The following NRXN3 variants were observed in gnomAD, a reference collection of about 807,000 sequenced individuals.
The protein encoded by NRXN3 is neurexin III.
A neutral mutation model predicts 137.6 loss-of-function variants in NRXN3; 32 were observed. The observed-to-expected ratio is 0.23, with a 90% CI of 0.18 to 0.31. The LOEUF (loss-of-function observed/expected upper bound fraction) is 0.31. NRXN3 is among the 10% of genes least tolerant of loss of function. NRXN3 has a pLI of 1.00. For missense variants in NRXN3, 1,574 were observed against 2,062.5 expected (o/e 0.76, Z 4.59); for synonymous variants, 798 against 784.5 (o/e 1.02, Z -0.29).
chr14:79,554,556 G>A (rs2097409310), intron 16 of NRXN3, among the ~76,000 whole-genome samples: 1 of 152,178 alleles, frequency 6.6e-6, no homozygotes, highest in Admixed American at 6.5e-5. Context: ...GAAATAGCCA[G>A]TAGCCAATGC....
At chr14:79,387,335 A>G (rs1379276858) in intron 15 of NRXN3, among the ~76,000 whole-genome samples, 1 of 152,234 alleles carries the variant, frequency 6.6e-6, no homozygotes, top group African/African-American at 2.4e-5. Context: ...TTATGCAGCC[A>G]AAAGAAACAT....
chr14:78,907,043 G>A (rs1216997938), intron 10 of NRXN3, among the ~76,000 whole-genome samples: 4 of 151,946 alleles, frequency 2.6e-5, no homozygotes, highest in Non-Finnish European at 5.9e-5. Context: ...ACAGTGCTGG[G>A]CAGACAAAGA....
At chr14:78,769,696 G>T (rs2098720527) in intron 8 of NRXN3, among the ~76,000 whole-genome samples, 1 of 152,230 alleles carries the variant, frequency 6.6e-6, no homozygotes, top group Non-Finnish European at 1.5e-5. Flanking sequence ...ACCTAACCAT[G>T]CTGTAAGGCA....
chr14:78,505,157 A>G (rs2095962503), intron 4 of NRXN3, among the ~76,000 whole-genome samples: 1 of 152,068 alleles, frequency 6.6e-6, no homozygotes, highest in Admixed American at 6.6e-5. Flanking sequence ...GGCCTTACCA[A>G]GTGTGCAGGC....
intron 2 of NRXN3, among the ~76,000 whole-genome samples, chr14:78,277,314 A>G (rs1357371746): frequency 1.3e-5 from 2 of 152,190 alleles, no homozygotes; most frequent in African/African-American, 4.8e-5. Flanking sequence ...TGACCCACTC[A>G]TAGGGCAGGT....
At chr14:79,525,469 C>T (rs1476060133) in intron 16 of NRXN3, among the ~76,000 whole-genome samples, 1 of 152,134 alleles carries the variant, frequency 6.6e-6, no homozygotes, top group African/African-American at 2.4e-5. Context: ...TTCTGGAAAT[C>T]GAACACTCTA....
intron 16 of NRXN3, among the ~76,000 whole-genome samples, chr14:79,641,770 C>G (rs1367850452): frequency 1.5e-5 from 2 of 135,592 alleles, no homozygotes; most frequent in East Asian, 3.9e-4. Flanking sequence ...CAGACAGAAA[C>G]AGTTTTGGTG....
At chr14:79,828,655 T>C in intron 20 of NRXN3, among the ~76,000 whole-genome samples, 1 of 146,030 alleles carries the variant, frequency 6.8e-6, no homozygotes, top group African/African-American at 2.5e-5. Context: ...AATTGTCTTT[T>C]TTTTTTTTTT....
At chr14:79,250,641 A>C (rs758906418) in intron 15 of NRXN3, among the ~76,000 whole-genome samples, 92 of 152,322 alleles carry the variant, frequency 6.0e-4, no homozygotes, top group Middle Eastern at 3.4e-3. Flanking sequence ...CCCTGTTTGC[A>C]TACCATGCAA....
At chr14:79,107,388 A>G (rs1272422435) in intron 15 of NRXN3, among the ~76,000 whole-genome samples, 2 of 152,174 alleles carry the variant, frequency 1.3e-5, no homozygotes, top group Admixed American at 6.6e-5. Context: ...TGAAAGTGGC[A>G]TCAACAAAAT....
At chr14:79,295,124 C>T (rs1368237050) in intron 15 of NRXN3, among the ~76,000 whole-genome samples, 2 of 152,074 alleles carry the variant, frequency 1.3e-5, no homozygotes, top group Non-Finnish European at 2.9e-5. Context: ...GTATCCCCAA[C>T]TTCACCTCCT....
chr14:79,690,622 G>A (rs912718011), intron 17 of NRXN3, among the ~76,000 whole-genome samples: 12 of 152,204 alleles, frequency 7.9e-5, no homozygotes, highest in African/African-American at 2.2e-4. Flanking sequence ...ATTCCTGGTA[G>A]TAAAGATATG....
At position 79,861,130 on chromosome 14, in the gene NRXN3, C is replaced by T. The variant is rs901266862; in HGVS notation, c.4094-212C>T. The T allele has an allele frequency of 6.7e-7, 1 of 1,501,406 alleles. No homozygotes were observed. The highest frequency in any genetic ancestry group is 8.9e-7 in the Non-Finnish European group (1 of 1,129,734). The allele number at this position is 1,501,406 out of a possible 1,614,324, so 93.0% of individuals were successfully genotyped here. On this transcript the variant is annotated intron_variant, in intron 20 of 20. Coordinates refer to ENST00000335750, the MANE Select transcript of NRXN3 (RefSeq NM_001330195.2). This position sits in a 1 kb window ranked among gnomAD's most constrained non-coding sequence, Gnocchi z 5.4. ...CACCTTCCATTACACTCCCCCCTAC[C>T]TTTCGCCCCCTCCTCACCATTATTG...
chr14:79,197,254 T>G (rs936357992), intron 15 of NRXN3, among the ~76,000 whole-genome samples: 35 of 152,362 alleles, frequency 2.3e-4, no homozygotes, highest in Middle Eastern at 3.4e-3. Context: ...AGTCAGGGGA[T>G]GAGGTCAAAT....
chr14:78,425,446 C>T (rs1368618248), intron 4 of NRXN3, among the ~76,000 whole-genome samples: 1 of 152,122 alleles, frequency 6.6e-6, no homozygotes, highest in East Asian at 1.9e-4. Flanking sequence ...GTCAAATCTG[C>T]ATATTCCCAA....
At chr14:79,745,673 T>C (rs1215304878) in intron 19 of NRXN3, among the ~76,000 whole-genome samples, 1 of 152,114 alleles carries the variant, frequency 6.6e-6, no homozygotes, top group African/African-American at 2.4e-5. Flanking sequence ...ACACACTGAG[T>C]GCCTTAAAAC....
chr14:78,467,899 A>G (rs767541716), intron 4 of NRXN3, among the ~76,000 whole-genome samples: 7 of 131,656 alleles, frequency 5.3e-5, no homozygotes, highest in Non-Finnish European at 1.1e-4. Flanking sequence ...CATATATCCT[A>G]GAAGTCTTAT....
chr14:78,980,521 A>G (rs1357479657), intron 14 of NRXN3, among the ~76,000 whole-genome samples: 1 of 152,168 alleles, frequency 6.6e-6, no homozygotes, highest in South Asian at 2.1e-4. Context: ...ATACTCTATC[A>G]ACTTTGGTTT....
At chr14:78,831,106 C>A (rs377170373) in intron 10 of NRXN3, among the ~76,000 whole-genome samples, 48 of 152,254 alleles carry the variant, frequency 3.2e-4, no homozygotes, top group African/African-American at 1.1e-3. Flanking sequence ...TCTTATAGAA[C>A]AAGGTAGTGG....
Sources: allele counts gnomAD v4.1 joint callset (sites outside exome capture counted in the v4.1 genomes callset), GRCh38; gene constraint gnomAD v4.1.1; non-coding constraint Gnocchi (gnomAD v3.1); transcripts MANE v1.5; gene names NCBI Gene and HGNC (gene_info 2026-07-23, HGNC 2026-07-21).